NRXN3: variants seen among roughly 807,000 people sequenced by gnomAD.
The protein encoded by NRXN3 is neurexin III.
NRXN3 carries 32 observed loss-of-function variants against 137.6 expected under a neutral mutation model. The observed-to-expected ratio is 0.23, with a 90% CI of 0.18 to 0.31. NRXN3 has a LOEUF of 0.31. Among genes scored for constraint, NRXN3 ranks in the 10% least tolerant of loss-of-function variants. The probability of loss-of-function intolerance (pLI) is 1.00; values close to 1 mark genes in which losing one functional copy is unlikely to be tolerated. For missense variants in NRXN3, 1,574 were observed against 2,062.5 expected (o/e 0.76, Z 4.59); for synonymous variants, 798 against 784.5 (o/e 1.02, Z -0.29).
rs142981435 is a variant in NRXN3 at position 79,225,451 on chromosome 14, G to A, written c.3262+237310G>A. On this transcript the variant is annotated intron_variant, in intron 15 of 20. Transcript: ENST00000335750. ...TTTCTCGATATAATCCTAAAAGTTAGGGATTCCCAGGAATTATCATGGAAC... is the reference window on the plus strand; with the variant it reads ...TTTCTCGATATAATCCTAAAAGTTAAGGATTCCCAGGAATTATCATGGAAC... Among the ~76,000 whole-genome samples, 234 of 152,160 alleles carry A rather than the reference G, an allele frequency of 1.5e-3. 1 individual carries two copies. The highest frequency in any genetic ancestry group is 5.2e-3 in the African/African-American group (214 of 41,532).
At chr14:78,825,769 G>T (rs2098964890) in intron 10 of NRXN3, among the ~76,000 whole-genome samples, 1 of 152,216 alleles carries the variant, frequency 6.6e-6, no homozygotes, top group Non-Finnish European at 1.5e-5. Context: ...ATGTACCCAA[G>T]ATAATTTCTA....
At chr14:78,907,293 A>G (rs1248126020) in intron 10 of NRXN3, among the ~76,000 whole-genome samples, 1 of 151,974 alleles carries the variant, frequency 6.6e-6, no homozygotes, top group Non-Finnish European at 1.5e-5. Flanking sequence ...TATCTCCTGA[A>G]CACGTCAAGA....
chr14:78,210,853 C>A (rs1045193385), intron 1 of NRXN3, among the ~76,000 whole-genome samples: 4 of 150,104 alleles, frequency 2.7e-5, no homozygotes, highest in Non-Finnish European at 4.4e-5. Flanking sequence ...TCGAGCAAAT[C>A]GTTTTTTTAA....
intron 2 of NRXN3, among the ~76,000 whole-genome samples, chr14:78,247,025 T>A (rs866856217): frequency 8.5e-5 from 13 of 152,334 alleles, no homozygotes; most frequent in Non-Finnish European, 1.0e-4. Flanking sequence ...CGTTTTGTAC[T>A]TCTTGCTTTA....
At chr14:79,116,318 G>A (rs781038401) in intron 15 of NRXN3, among the ~76,000 whole-genome samples, 4 of 152,098 alleles carry the variant, frequency 2.6e-5, no homozygotes, top group Non-Finnish European at 5.9e-5. Context: ...TTTTCTTTGT[G>A]GGAGTTCATT....
At chr14:78,627,414 C>G (rs568105965) in intron 4 of NRXN3, among the ~76,000 whole-genome samples, 3 of 152,266 alleles carry the variant, frequency 2.0e-5, no homozygotes, top group African/African-American at 4.8e-5. Context: ...GAAAAGGCAA[C>G]TTACATGAAA....
At chr14:78,329,935 C>T (rs2080584599) in intron 4 of NRXN3, among the ~76,000 whole-genome samples, 1 of 152,130 alleles carries the variant, frequency 6.6e-6, no homozygotes, top group African/African-American at 2.4e-5. Context: ...TTTCATCAAC[C>T]TGGCTCCAAT....
chr14:79,483,406 A>T (rs1252249628), intron 16 of NRXN3, among the ~76,000 whole-genome samples: 16 of 152,228 alleles, frequency 1.1e-4, no homozygotes, highest in Admixed American at 1.0e-3. Flanking sequence ...CTTTGTTAAA[A>T]AGTGTTTGGT....
At chr14:78,905,963 G>T (rs2099214845) in intron 10 of NRXN3, among the ~76,000 whole-genome samples, 1 of 151,894 alleles carries the variant, frequency 6.6e-6, no homozygotes, top group Non-Finnish European at 1.5e-5. Context: ...AAGTTTAAGG[G>T]CAGTGGCTAA....
intron 15 of NRXN3, among the ~76,000 whole-genome samples, chr14:79,434,887 G>T (rs371474512): frequency 7.2e-5 from 11 of 152,096 alleles, no homozygotes; most frequent in Non-Finnish European, 8.8e-5. Flanking sequence ...TGTACCTCCC[G>T]TGCCCATCCA....
chr14:79,363,236 G>T (rs2093751390), intron 15 of NRXN3, among the ~76,000 whole-genome samples: 1 of 152,152 alleles, frequency 6.6e-6, no homozygotes. Flanking sequence ...CTGACCTCAG[G>T]TGATCCACCT....
At chr14:78,322,785 G>A (rs2079544467) in intron 4 of NRXN3, among the ~76,000 whole-genome samples, 1 of 151,796 alleles carries the variant, frequency 6.6e-6, no homozygotes. Context: ...CATTTATCAG[G>A]GACATTTCTC....
At chr14:79,050,195 T>C (rs190610635) in intron 15 of NRXN3, among the ~76,000 whole-genome samples, 32 of 152,340 alleles carry the variant, frequency 2.1e-4, no homozygotes, top group African/African-American at 7.5e-4. Context: ...TCCTGAGATA[T>C]CTCATGTAGA....
intron 14 of NRXN3, among the ~76,000 whole-genome samples, chr14:78,970,936 C>CT (rs1025064651): frequency 6.6e-6 from 1 of 152,210 alleles, no homozygotes; most frequent in African/African-American, 2.4e-5. Context: ...AGCATTATGC[C>CT]TACCCCGCTG....
intron 15 of NRXN3, among the ~76,000 whole-genome samples, chr14:79,419,655 AAGAC>A (rs2095547540): frequency 6.6e-6 from 1 of 152,028 alleles, no homozygotes; most frequent in African/African-American, 2.4e-5. Context: ...GAGAGAGAGA[AAGAC>A]AGAAAGTGAG....
At chr14:78,512,397 C>A (rs2096125814) in intron 4 of NRXN3, among the ~76,000 whole-genome samples, 1 of 152,158 alleles carries the variant, frequency 6.6e-6, no homozygotes, top group Admixed American at 6.5e-5. Context: ...TGAGCTCAAT[C>A]TGAAAGTTTA....
At chr14:78,957,716 A>G (rs949344517) in intron 11 of NRXN3, among the ~76,000 whole-genome samples, 2 of 152,226 alleles carry the variant, frequency 1.3e-5, no homozygotes, top group Non-Finnish European at 2.9e-5. Context: ...AGTTCCTTCC[A>G]TCAGTGAGTG....
At chr14:78,447,029 A>G (rs1284528562) in intron 4 of NRXN3, among the ~76,000 whole-genome samples, 1 of 152,158 alleles carries the variant, frequency 6.6e-6, no homozygotes, top group Non-Finnish European at 1.5e-5. Context: ...CTGGGACTCA[A>G]AAGCAGATGG....
At chr14:78,875,876 T>C (rs977452846) in intron 10 of NRXN3, among the ~76,000 whole-genome samples, 4 of 152,096 alleles carry the variant, frequency 2.6e-5, no homozygotes, top group Non-Finnish European at 4.4e-5. Context: ...ATGAGAACGA[T>C]AGGATTTCAC....
Sources: allele counts gnomAD v4.1 joint callset (sites outside exome capture counted in the v4.1 genomes callset), GRCh38; gene constraint gnomAD v4.1.1; transcripts MANE v1.5; gene names NCBI Gene and HGNC (gene_info 2026-07-23, HGNC 2026-07-21).